The following UTP18 variants were observed in gnomAD, a reference collection of about 807,000 sequenced individuals.
UTP18 encodes UTP18 small subunit processome component.
A neutral mutation model predicts 61.1 loss-of-function variants in UTP18; 36 were observed. The observed-to-expected ratio is 0.59, with a 90% CI of 0.45 to 0.78. UTP18 has a LOEUF of 0.78. Among genes scored for constraint, UTP18 ranks in the 30% least tolerant of loss-of-function variants. The pLI is 0.00. For synonymous variants in UTP18, 282 were observed against 251.1 expected, an observed-to-expected ratio of 1.12 and a Z score of -1.16; for missense variants, 753 against 693.9, an observed-to-expected ratio of 1.09 and a Z score of -0.96.
At chr17:51,264,375 A>G (rs1190276620) in intron 2 of UTP18, among the ~76,000 whole-genome samples, 2 of 152,174 alleles carry the variant, frequency 1.3e-5, no homozygotes, top group Non-Finnish European at 2.9e-5. Context: ...AGATTATTTC[A>G]GCATTAATGT....
At chr17:51,281,164 A>ATATATT (rs59857038) in intron 9 of UTP18, among the ~76,000 whole-genome samples, 9 of 140,426 alleles carry the variant, frequency 6.4e-5, no homozygotes, top group African/African-American at 1.9e-4. Flanking sequence ...ATATATATAT[A>ATATATT]TTTTTTTTAA....
chr17:51,267,200 C>A (rs1467012745), intron 3 of UTP18, among the ~76,000 whole-genome samples: 1 of 152,124 alleles, frequency 6.6e-6, no homozygotes, highest in Non-Finnish European at 1.5e-5. Flanking sequence ...TGGGCTCAAG[C>A]GATCTGCCCT....
intron 1 of UTP18, 31 bp downstream of exon 1, chr17:51,260,957 G>A: frequency 2.0e-6 from 3 of 1,466,830 alleles, no homozygotes; most frequent in South Asian, 2.7e-5. Flanking sequence ...CGGGCTGGGC[G>A]CACTCGGGCG....
chr17:51,287,191 A>G (rs559838286), intron 10 of UTP18, among the ~76,000 whole-genome samples: 4 of 152,306 alleles, frequency 2.6e-5, no homozygotes, highest in Non-Finnish European at 4.4e-5. Context: ...GAAAGAATCT[A>G]ATACTAGTAG....
chr17:51,290,074 G>T (rs924137842), intron 11 of UTP18, among the ~76,000 whole-genome samples: 7 of 152,136 alleles, frequency 4.6e-5, no homozygotes, highest in African/African-American at 1.7e-4. Context: ...CAGTGTCATT[G>T]TTGTCTGTGG....
At position 51,260,616 on chromosome 17, in the gene UTP18, T is replaced by C. The variant is rs778938607; in HGVS notation, c.32T>C (p.Leu11Pro). 7 of 1,612,508 alleles carry C rather than the reference T, an allele frequency of 4.3e-6. No homozygotes were observed. The highest frequency in any genetic ancestry group is 5.9e-6 in the Non-Finnish European group (7 of 1,179,696). Residue 11 changes from leucine (L) to proline (P), a missense_variant, in exon 1 of 14, where the codon CTG becomes CCG. Coordinates refer to ENST00000225298, the MANE Select transcript of UTP18 (RefSeq NM_016001.3). Reference protein sequence around the residue: MPPERRRRMKLDRRTGAKPKR... With the variant: MPPERRRRMKPDRRTGAKPKR... ...CCGGAGCGGAGGAGACGAATGAAAC[T>C]GGACCGGAGAACCGGAGCGAAGCCG... is the stretch of plus-strand genomic sequence containing the variant.
chr17:51,284,841 A>G (rs2144432262), intron 9 of UTP18, among the ~76,000 whole-genome samples: 1 of 152,238 alleles, frequency 6.6e-6, no homozygotes, highest in Non-Finnish European at 1.5e-5. Flanking sequence ...CAGGTGGATC[A>G]CCTGAGGTCA....
chr17:51,287,943 T>G, intron 10 of UTP18, 86 bp from the exon 11 acceptor site: 1 of 1,033,088 alleles, frequency 9.7e-7, no homozygotes. Flanking sequence ...TAAATACCAG[T>G]TTGTGGGGTT....
intron 4 of UTP18, among the ~76,000 whole-genome samples, chr17:51,270,115 A>G (rs1904476933): frequency 6.6e-6 from 1 of 152,184 alleles, no homozygotes; most frequent in Middle Eastern, 3.2e-3. Flanking sequence ...TACAGGCATG[A>G]GCCACTGTGC....
At chr17:51,272,030 A>G (rs1438186024) in intron 4 of UTP18, among the ~76,000 whole-genome samples, 1 of 152,048 alleles carries the variant, frequency 6.6e-6, no homozygotes, top group Non-Finnish European at 1.5e-5. Flanking sequence ...CAAATATTCT[A>G]CATTTCTGGC....
chr17:51,266,398 T>C, intron 3 of UTP18, 118 bp downstream of exon 3: 4 of 627,964 alleles, frequency 6.4e-6, no homozygotes, highest in Non-Finnish European at 9.8e-6. Context: ...ATTGCTATTG[T>C]GGGCAGTGAC....
intron 13 of UTP18, among the ~76,000 whole-genome samples, 167 bp downstream of exon 13, chr17:51,297,170 T>C (rs760812620): frequency 8.5e-5 from 13 of 152,168 alleles, no homozygotes; most frequent in Non-Finnish European, 1.5e-4. Context: ...CTAGCTGAAG[T>C]TGGACCCTCC....
chr17:51,280,348 A>G (rs371073346), intron 8 of UTP18, 41 bp from the exon 9 acceptor site: 1 of 1,595,670 alleles, frequency 6.3e-7, no homozygotes, highest in Non-Finnish European at 8.6e-7. Context: ...ATTCTTCTGT[A>G]TACTTTCTAA....
intron 2 of UTP18, among the ~76,000 whole-genome samples, chr17:51,265,843 T>A (rs908016921): frequency 2.0e-5 from 3 of 151,904 alleles, no homozygotes; most frequent in African/African-American, 7.3e-5. Flanking sequence ...ATTACAGGCG[T>A]GAGCCACCAC....
At chr17:51,274,027 C>G (rs1351365193) in intron 5 of UTP18, among the ~76,000 whole-genome samples, 1 of 152,222 alleles carries the variant, frequency 6.6e-6, no homozygotes, top group Non-Finnish European at 1.5e-5. Context: ...TTCTACACTG[C>G]CCTTTACAGT....
intron 9 of UTP18, among the ~76,000 whole-genome samples, chr17:51,282,867 CTTTTT>C (rs534175274): frequency 1.7e-5 from 2 of 120,690 alleles, no homozygotes; most frequent in Non-Finnish European, 3.4e-5. Flanking sequence ...TCTTCTTCTT[CTTTTT>C]TTTTTTTTTT....
chr17:51,288,618 T>C (rs1905171998), intron 11 of UTP18: 1 of 456,338 alleles, frequency 2.2e-6, no homozygotes, highest in African/African-American at 2.0e-5. Context: ...AATTAAATTG[T>C]ATAAAAGTAT....
At chr17:51,279,276 T>G (rs1567702704) in intron 7 of UTP18, among the ~76,000 whole-genome samples, 1 of 152,194 alleles carries the variant, frequency 6.6e-6, no homozygotes, top group Non-Finnish European at 1.5e-5. Flanking sequence ...GGTAACTTTT[T>G]AATGAGTAAC....
At chr17:51,286,702 C>G in intron 10 of UTP18, 1 of 365,432 alleles carries the variant, frequency 2.7e-6, no homozygotes, top group East Asian at 7.5e-5. Flanking sequence ...AGGGACATCT[C>G]AGCACAAGCC....
Sources: allele counts gnomAD v4.1 joint callset (sites outside exome capture counted in the v4.1 genomes callset), GRCh38; gene constraint gnomAD v4.1.1; transcripts MANE v1.5; gene names NCBI Gene and HGNC (gene_info 2026-07-23, HGNC 2026-07-21).